RPS6KA2: variants seen among roughly 807,000 people sequenced by gnomAD.
RPS6KA2 encodes the protein ribosomal protein S6 kinase A2.
A neutral mutation model predicts 91.8 loss-of-function variants in RPS6KA2; 42 were observed. The observed-to-expected ratio is 0.46, with a 90% confidence interval of 0.36 to 0.59. The LOEUF is 0.59. Among genes scored for constraint, RPS6KA2 ranks in the 20% least tolerant of loss-of-function variants. The pLI is 0.00. For missense variants in RPS6KA2, 798 were observed against 978.5 expected, an observed-to-expected ratio of 0.82 and a Z score of 2.46; for synonymous variants, 414 against 393.6, an observed-to-expected ratio of 1.05 and a Z score of -0.61.
intron 1 of RPS6KA2, among the ~76,000 whole-genome samples, chr6:166,573,286 C>T (rs1784743892): frequency 6.6e-6 from 1 of 152,242 alleles, no homozygotes; most frequent in African/African-American, 2.4e-5. Context: ...TCCAGAACCT[C>T]GTGTTATGAA....
At chr6:166,499,123 G>A (rs1022201664) in intron 7 of RPS6KA2, among the ~76,000 whole-genome samples, 8 of 152,338 alleles carry the variant, frequency 5.3e-5, no homozygotes, top group African/African-American at 1.7e-4. Flanking sequence ...ACGAGGGTGT[G>A]GAGAGCACAG....
chr6:166,707,889 G>A (rs1789727096), intron 2 of RPS6KA2, among the ~76,000 whole-genome samples: 1 of 152,020 alleles, frequency 6.6e-6, no homozygotes, highest in Non-Finnish European at 1.5e-5. Context: ...AACTACAGGT[G>A]TGCACCACCG....
intron 2 of RPS6KA2, among the ~76,000 whole-genome samples, chr6:166,817,241 A>T (rs1779788839): frequency 6.6e-6 from 1 of 152,162 alleles, no homozygotes; most frequent in African/African-American, 2.4e-5. Flanking sequence ...AAATTTGAAA[A>T]TGTTACCAGG....
At chr6:166,801,538 A>G (rs1779366682) in intron 2 of RPS6KA2, among the ~76,000 whole-genome samples, 1 of 152,100 alleles carries the variant, frequency 6.6e-6, no homozygotes, top group Non-Finnish European at 1.5e-5. Context: ...GTGAAGATAA[A>G]GCCTTGCTGT....
intron 1 of RPS6KA2, among the ~76,000 whole-genome samples, chr6:166,610,010 T>C (rs1163996934): frequency 6.6e-6 from 1 of 152,242 alleles, no homozygotes; most frequent in Non-Finnish European, 1.5e-5. Flanking sequence ...CTACTCATTT[T>C]CTCATCTTGA....
intron 2 of RPS6KA2, among the ~76,000 whole-genome samples, chr6:166,729,044 CG>C (rs1790432113): frequency 6.6e-6 from 1 of 152,228 alleles, no homozygotes; most frequent in Admixed American, 6.5e-5. Context: ...TGCTCCCCTG[CG>C]GAAGGGCCAC....
In RPS6KA2 at chr6:166,637,584, G is replaced by A. The variant is rs16899274; in HGVS notation, c.124-98800C>T. 5.7e-3 allele frequency among the ~76,000 whole-genome samples: 864 copies of A among 152,368 alleles called. 7 individuals carry two copies. Among genetic ancestry groups the A allele is most frequent in the African/African-American group, 0.02 (831 of 41,584 alleles). On this transcript the variant is annotated intron_variant, in intron 2 of 21. Coordinates refer to the RPS6KA2 transcript ENST00000503859. The stretch of plus-strand genomic sequence containing the variant: ...GTCTCTGAAAGGGACCCATCCTGAA[G>A]ACCGGAAATACTAACCAAGCGCTCA...
chr6:166,687,840 A>G (rs1030043477), intron 2 of RPS6KA2, among the ~76,000 whole-genome samples: 3 of 152,194 alleles, frequency 2.0e-5, no homozygotes, highest in Non-Finnish European at 4.4e-5. Flanking sequence ...ACCAGAATCA[A>G]TCTTGGGTTA....
intron 8 of RPS6KA2, among the ~76,000 whole-genome samples, chr6:166,491,705 T>A (rs1348011477): frequency 6.6e-6 from 1 of 152,164 alleles, no homozygotes; most frequent in East Asian, 1.9e-4. Context: ...CATTCGTCCT[T>A]TGCAGTTCGA....
chr6:166,656,918 T>A (rs1788017987), intron 2 of RPS6KA2, among the ~76,000 whole-genome samples: 1 of 152,132 alleles, frequency 6.6e-6, no homozygotes, highest in Non-Finnish European at 1.5e-5. Flanking sequence ...TTGGTGAGAC[T>A]CTCTCTGACT....
chr6:166,492,890 ATTTTTT>A (rs71032807), intron 8 of RPS6KA2, among the ~76,000 whole-genome samples: 1 of 103,580 alleles, frequency 9.7e-6, no homozygotes, highest in Non-Finnish European at 2.0e-5. Context: ...TAATTTTTGT[ATTTTTT>A]TTTTTTTTTT....
chr6:166,626,906 G>C lies in RPS6KA2; in HGVS notation c.99+15C>G. ...AGTGCCCGGCACCTGCGCGCCCCGA[G>C]GGCGGCCGCATTACCTCGAGCCGGC... On this transcript the variant is annotated intron_variant, in intron 1 of 20. Transcript: ENST00000265678. The surrounding 1 kb of genome is among the most constrained non-coding windows in gnomAD (Gnocchi z 4.1). 1 of 1,494,580 alleles carries C rather than the reference G, an allele frequency of 6.7e-7. No individual in the cohort carries two copies. The highest frequency in any genetic ancestry group is 9.0e-7 in the Non-Finnish European group (1 of 1,116,758). 92.6% of individuals were successfully genotyped at this position (1,494,580 alleles called of 1,614,324 possible).
chr6:166,541,137 C>A (rs961476737), intron 1 of RPS6KA2, among the ~76,000 whole-genome samples: 1 of 152,172 alleles, frequency 6.6e-6, no homozygotes, highest in South Asian at 2.1e-4. Flanking sequence ...GTTAATGCGA[C>A]GCCCACACTA....
intron 2 of RPS6KA2, among the ~76,000 whole-genome samples, chr6:166,680,924 G>A (rs1788784351): frequency 6.6e-6 from 1 of 152,210 alleles, no homozygotes; most frequent in South Asian, 2.1e-4. Flanking sequence ...CAGCCTTGCT[G>A]CCCCTCTCCT....
Position 166,703,795 on chromosome 6 carries a change from G to A in RPS6KA2, c.123+154405C>T, listed in dbSNP as rs566387467. On this transcript the variant is annotated intron_variant, in intron 2 of 21. Transcript: ENST00000503859. ...AGCTGCAGCTGCCAATGTCCTTTCT[G>A]CAATTCATTAACCTTATATGTACCT... 4.4e-4 allele frequency among the ~76,000 whole-genome samples: 67 copies of A among 152,210 alleles called. 1 individual carries two copies. The highest frequency in any genetic ancestry group is 1.6e-3 in the African/African-American group (65 of 41,528).
chr6:166,836,968 A>G (rs9348189), intron 2 of RPS6KA2, among the ~76,000 whole-genome samples: 120,693 of 152,152 alleles, frequency 0.79, 48,319 homozygotes, highest in East Asian at 0.98. Flanking sequence ...GGGCACCTGC[A>G]GCTGAGCTTC....
chr6:166,412,643 G>A lies in RPS6KA2; in HGVS notation c.*119C>T. On this transcript the variant is annotated 3_prime_UTR_variant, in exon 21 of 21. Coordinates refer to ENST00000265678, the MANE Select transcript of RPS6KA2 (RefSeq NM_021135.6). The surrounding 1 kb of genome is among the most constrained non-coding windows in gnomAD (Gnocchi z 4.3). ...AAAAGAAAACACGGACACGGCGAGG[G>A]CGGGCGCCGCCTCCCTGCTGGACTT... 1 of 1,032,228 alleles carries A rather than the reference G, an allele frequency of 9.7e-7. No individual in the cohort carries two copies. Among genetic ancestry groups the A allele is most frequent in the Non-Finnish European group, 1.4e-6 (1 of 733,406 alleles). 63.9% of individuals were successfully genotyped at this position (1,032,228 alleles called of 1,614,324 possible). A position where few individuals can be genotyped will look rare whatever the true frequency, so the allele number is the denominator to read the frequency against.
chr6:166,747,521 C>A (rs1227676557), intron 2 of RPS6KA2, among the ~76,000 whole-genome samples: 1 of 152,222 alleles, frequency 6.6e-6, no homozygotes, highest in Non-Finnish European at 1.5e-5. Flanking sequence ...ACAAGCCCGA[C>A]TCACAGATTT....
intron 1 of RPS6KA2, among the ~76,000 whole-genome samples, chr6:166,605,649 G>A (rs1470720285): frequency 2.6e-5 from 4 of 152,188 alleles, no homozygotes; most frequent in Non-Finnish European, 5.9e-5. Flanking sequence ...GATTTAATGT[G>A]AAAGGGCCAC....
Sources: allele counts gnomAD v4.1 joint callset (sites outside exome capture counted in the v4.1 genomes callset), GRCh38; gene constraint gnomAD v4.1.1; non-coding constraint Gnocchi (gnomAD v3.1); transcripts MANE v1.5; gene names NCBI Gene and HGNC (gene_info 2026-07-23, HGNC 2026-07-21).